Variants in ICA1 observed in about 807,000 individuals in gnomAD.
ICA1 encodes islet cell autoantigen 1, also known as 69 kDa islet cell autoantigen.
ICA1 carries 40 observed loss-of-function variants against 71.0 expected under a neutral mutation model. The ratio of observed to expected loss-of-function variants is 0.56; its 90% confidence interval spans 0.44 to 0.73. The LOEUF is 0.73. Ranked by LOEUF, ICA1 falls within the 30% of genes least tolerant of loss-of-function variation. ICA1 has a pLI of 0.00. For missense variants in ICA1, 578 were observed against 576.5 expected, an observed-to-expected ratio of 1.00 and a Z score of -0.03; for synonymous variants, 207 against 209.5, an observed-to-expected ratio of 0.99 and a Z score of 0.10.
intron 1 of ICA1, among the ~76,000 whole-genome samples, chr7:8,245,843 C>T (rs533059449): frequency 6.6e-6 from 1 of 152,278 alleles, no homozygotes; most frequent in African/African-American, 2.4e-5. Flanking sequence ...TTGAACAGTA[C>T]AAGTTTCGCA....
At chr7:8,171,252 A>G (rs1014934765) in intron 6 of ICA1, among the ~76,000 whole-genome samples, 3 of 151,834 alleles carry the variant, frequency 2.0e-5, no homozygotes, top group African/African-American at 7.2e-5. Flanking sequence ...GGCACATTTT[A>G]TGAGTGAAGC....
intron 6 of ICA1, among the ~76,000 whole-genome samples, chr7:8,194,165 C>G (rs1343122450): frequency 6.6e-6 from 1 of 152,168 alleles, no homozygotes; most frequent in African/African-American, 2.4e-5. Flanking sequence ...CTGGCTTGCT[C>G]TGGAATCCTG....
intron 6 of ICA1, among the ~76,000 whole-genome samples, chr7:8,215,792 G>A (rs1044662157): frequency 6.6e-6 from 1 of 152,192 alleles, no homozygotes; most frequent in Non-Finnish European, 1.5e-5. Flanking sequence ...AAGACGTGAA[G>A]GTGGCAGCCG....
intron 9 of ICA1, among the ~76,000 whole-genome samples, chr7:8,142,882 A>T (rs1212779728): frequency 1.3e-5 from 2 of 152,260 alleles, no homozygotes; most frequent in Non-Finnish European, 1.5e-5. Flanking sequence ...TCTGTCCTTC[A>T]GTGAGAACTT....
rs960213582 is a variant in ICA1 at position 8,158,510 on chromosome 7, A to C, written c.705+17T>G. On this transcript the variant is annotated intron_variant, in intron 7 of 13. Coordinates refer to ENST00000402384, the MANE Select transcript of ICA1 (RefSeq NM_001136020.3). ...TGTGCCATCCTTGGTTCATTGCAAC[A>C]AACATTATTTTGTTACCTGGTATGT... 5.6e-6 allele frequency: 9 copies of C among 1,613,360 alleles called. No homozygotes were observed. The highest frequency in any genetic ancestry group is 3.3e-5 in the Admixed American group (2 of 59,908).
At chr7:8,171,563 T>C (rs1290162240) in intron 6 of ICA1, among the ~76,000 whole-genome samples, 1 of 150,612 alleles carries the variant, frequency 6.6e-6, no homozygotes, top group Non-Finnish European at 1.5e-5. Flanking sequence ...TCAATGTTAT[T>C]GATCTTTTCA....
intron 1 of ICA1, among the ~76,000 whole-genome samples, chr7:8,257,064 G>A (rs2128552909): frequency 6.6e-6 from 1 of 152,310 alleles, no homozygotes; most frequent in African/African-American, 2.4e-5. Flanking sequence ...TGGATGAAAG[G>A]AGCTTGATTA....
At chr7:8,241,159 C>G (rs1386825944) in intron 1 of ICA1, among the ~76,000 whole-genome samples, 1 of 152,088 alleles carries the variant, frequency 6.6e-6, no homozygotes, top group Non-Finnish European at 1.5e-5. Context: ...TAAGGGCAGC[C>G]AGAGAGAAAG....
chr7:8,157,244 G>C, intron 7 of ICA1, 30 bp from the exon 8 acceptor site: 3 of 1,563,348 alleles, frequency 1.9e-6, no homozygotes, highest in Non-Finnish European at 2.6e-6. Flanking sequence ...AGCTATTAAT[G>C]TTTTGAATGC....
chr7:8,156,719 T>C (rs1801639954), intron 8 of ICA1: 1 of 1,035,642 alleles, frequency 9.7e-7, no homozygotes. Flanking sequence ...GTGAGGATAT[T>C]TGAATATAAT....
chr7:8,210,445 T>C (rs923238497), intron 6 of ICA1, among the ~76,000 whole-genome samples: 1 of 152,222 alleles, frequency 6.6e-6, no homozygotes, highest in Non-Finnish European at 1.5e-5. Context: ...TATGTATTTA[T>C]TTAAACTTAA....
intron 6 of ICA1, among the ~76,000 whole-genome samples, chr7:8,171,975 T>C (rs770844732): frequency 2.0e-5 from 3 of 152,042 alleles, no homozygotes; most frequent in Non-Finnish European, 2.9e-5. Flanking sequence ...TTACTTTGCA[T>C]AATTTTGATT....
chr7:8,210,502 G>T (rs1273489617), intron 6 of ICA1, among the ~76,000 whole-genome samples: 1 of 152,088 alleles, frequency 6.6e-6, no homozygotes, highest in African/African-American at 2.4e-5. Context: ...TAATATAAAA[G>T]CTGTGAAAGT....
intron 6 of ICA1, among the ~76,000 whole-genome samples, chr7:8,210,134 G>T (rs979146320): frequency 2.0e-5 from 3 of 152,174 alleles, no homozygotes; most frequent in Non-Finnish European, 4.4e-5. Context: ...TGTGGAAAGG[G>T]GTGCCAATTA....
At chr7:8,224,655 C>T (rs748867806) in intron 4 of ICA1, among the ~76,000 whole-genome samples, 17 of 152,164 alleles carry the variant, frequency 1.1e-4, no homozygotes, top group Non-Finnish European at 4.4e-5. Context: ...ATCAACTAAC[C>T]TACAGCCCTT....
intron 6 of ICA1, among the ~76,000 whole-genome samples, chr7:8,163,835 G>C (rs1231120978): frequency 1.3e-5 from 2 of 152,184 alleles, no homozygotes; most frequent in African/African-American, 4.8e-5. Context: ...AGAGAGGTGA[G>C]TTGGGGCACA....
intron 6 of ICA1, among the ~76,000 whole-genome samples, chr7:8,160,068 G>A (rs187865189): frequency 7.2e-5 from 11 of 152,218 alleles, no homozygotes; most frequent in South Asian, 2.1e-4. Flanking sequence ...GCAACCTGGC[G>A]CAAAGCAGGT....
intron 2 of ICA1, 71 bp downstream of exon 2, chr7:8,235,839 A>G (rs1243236103): frequency 4.0e-6 from 6 of 1,491,040 alleles, no homozygotes; most frequent in Non-Finnish European, 5.6e-6. Context: ...TTTCCATTCA[A>G]TAGATGTTTA....
chr7:8,261,175 G>A (rs994462697), intron 1 of ICA1, among the ~76,000 whole-genome samples: 6 of 152,086 alleles, frequency 3.9e-5, no homozygotes, highest in Non-Finnish European at 8.8e-5. Flanking sequence ...TCTAAATGAA[G>A]AGAACGCGAT....
Sources: allele counts gnomAD v4.1 joint callset (sites outside exome capture counted in the v4.1 genomes callset), GRCh38; gene constraint gnomAD v4.1.1; transcripts MANE v1.5; gene names NCBI Gene and HGNC (gene_info 2026-07-23, HGNC 2026-07-21).